SYNE2: variants seen among roughly 807,000 people sequenced by gnomAD.
The protein encoded by SYNE2 is spectrin repeat containing nuclear envelope protein 2, also known as nesprin-2.
SYNE2 carries 431 observed loss-of-function variants against 856.3 expected under a neutral mutation model. The ratio of observed to expected loss-of-function variants is 0.50; its 90% confidence interval spans 0.47 to 0.55. The LOEUF (loss-of-function observed/expected upper bound fraction) is 0.55, where lower values mean the gene tolerates loss of function less well. SYNE2 is among the 20% of genes least tolerant of loss of function. The pLI, the probability that SYNE2 is intolerant of heterozygous loss-of-function variation, is 0.00. For synonymous variants in SYNE2, 2,923 were observed against 2,872.3 expected (o/e 1.02, Z -0.56); for missense variants, 8,129 against 8,023.2 (o/e 1.01, Z -0.50).
rs77307621 is a variant in SYNE2 at position 64,069,653 on chromosome 14, T to G, written c.10432-992T>G. ...AAAGGTCCGTTCAGTGCTGTGTCTCTTTTTTAGTGGTAGAGTTGTAAGATT... is the reference window on the plus strand; with the variant it reads ...AAAGGTCCGTTCAGTGCTGTGTCTCGTTTTTAGTGGTAGAGTTGTAAGATT... On this transcript the variant is annotated intron_variant, in intron 51 of 115. Coordinates refer to ENST00000555002, the MANE Select transcript of SYNE2 (RefSeq NM_182914.3). 2.7e-3 allele frequency among the ~76,000 whole-genome samples: 407 copies of G among 152,326 alleles called. 12 individuals are homozygous for G. In the East Asian group the frequency reaches 0.054, roughly 20 times the overall value.
At chr14:64,008,912 T>C (rs1358836081) in intron 31 of SYNE2, among the ~76,000 whole-genome samples, 1 of 152,188 alleles carries the variant, frequency 6.6e-6, no homozygotes, top group Non-Finnish European at 1.5e-5. Context: ...GGTTAATCCC[T>C]GTGTGCCTCG....
intron 97 of SYNE2, among the ~76,000 whole-genome samples, chr14:64,187,864 C>T (rs908630849): frequency 6.6e-6 from 1 of 152,038 alleles, no homozygotes; most frequent in African/African-American, 2.4e-5. Flanking sequence ...AAATTTAAAC[C>T]TTTAAGGAGG....
intron 89 of SYNE2, among the ~76,000 whole-genome samples, chr14:64,164,409 C>T (rs550676287): frequency 1.3e-4 from 20 of 152,084 alleles, no homozygotes; most frequent in African/African-American, 2.4e-4. Context: ...TGTGTCTGGC[C>T]GGCTAATTTT....
At chr14:64,108,881 G>A (rs529149652) in intron 65 of SYNE2, among the ~76,000 whole-genome samples, 146 of 152,028 alleles carry the variant, frequency 9.6e-4, no homozygotes, top group African/African-American at 3.5e-3. Context: ...GAATTAATCT[G>A]GGTTTTGTTC....
upstream of SYNE2, among the ~76,000 whole-genome samples, chr14:63,848,864 A>G (rs755949023): frequency 1.3e-5 from 2 of 152,316 alleles, no homozygotes; most frequent in South Asian, 4.1e-4. Context: ...ACACAGCTCC[A>G]CTGAATCATG....
At chr14:64,178,288 T>G (rs1191255615) in intron 96 of SYNE2, among the ~76,000 whole-genome samples, 4 of 152,208 alleles carry the variant, frequency 2.6e-5, no homozygotes, top group African/African-American at 9.7e-5. Flanking sequence ...TATGACAAAC[T>G]GCCATGACAC....
Position 64,226,225 on chromosome 14 carries a change from G to C in SYNE2, c.*699G>C, listed in dbSNP as rs1319822137. On this transcript the variant is annotated 3_prime_UTR_variant, in exon 116 of 116. Transcript: ENST00000555002. Reference sequence around the variant, plus strand: ...ATTTTAGCTGGAGCTTTTGACTAATGTAAAGTAAATGCCAAACTACCGACT... The same window carrying C: ...ATTTTAGCTGGAGCTTTTGACTAATCTAAAGTAAATGCCAAACTACCGACT... The C allele has an allele frequency of 2.0e-5, 3 of 151,832 alleles. No individual in the cohort carries two copies. The highest frequency in any genetic ancestry group is 4.2e-4 in the South Asian group (2 of 4,806). The allele number at this position is 151,832 out of a possible 1,614,324, so 9.4% of individuals were successfully genotyped here. A position where few individuals can be genotyped will look rare whatever the true frequency, so the allele number is the denominator to read the frequency against.
Position 64,140,025 on chromosome 14 carries a change from T to C in SYNE2, c.14928T>C (p.Asn4976=), listed in dbSNP as rs910832569. The C allele has an allele frequency of 9.3e-6, 15 of 1,614,028 alleles. No individual in the cohort carries two copies. Among genetic ancestry groups the C allele is most frequent in the Non-Finnish European group, 1.3e-5 (15 of 1,179,958 alleles). ...ATTACTGGAAAGAACAGTCCCTCAA[T>C]GTGTCTCAGGACTTGGATACAATCA... is the stretch of plus-strand genomic sequence containing the variant. The part of the protein sequence containing the change: ...TLNYWKEQSL[N]VSQDLDTIRS... Residue 4976 remains asparagine (N), a synonymous_variant, in exon 80 of 116, where the codon AAT becomes AAC. Coordinates refer to ENST00000555002, the MANE Select transcript of SYNE2 (RefSeq NM_182914.3).
Position 64,143,823 on chromosome 14 carries a change from C to CTTA in SYNE2, c.15358_15359insTTA (p.Gln5120delinsLeuLys), listed in dbSNP as rs1275523796. 6.2e-7 allele frequency: 1 copy of CTTA among 1,614,020 alleles called. No homozygotes were observed. Among genetic ancestry groups the CTTA allele is most frequent in the Non-Finnish European group, 8.5e-7 (1 of 1,180,024 alleles). ...ACAGTGGATAGTTGACTTCGTTAAC[C>CTTA]AGTCATTACTTCAGCTAAGCACCTG... On this transcript the variant is annotated protein_altering_variant, in exon 83 of 116. Coordinates refer to ENST00000555002, the MANE Select transcript of SYNE2 (RefSeq NM_182914.3).
At chr14:63,874,098 G>C (rs1206462226) in intron 1 of SYNE2, 1 of 152,228 alleles carries the variant, frequency 6.6e-6, no homozygotes, top group African/African-American at 2.4e-5. Flanking sequence ...TTATCCTGCT[G>C]TCCTGGCTGT....
At chr14:64,182,599 G>T (rs1214050398) in intron 96 of SYNE2, among the ~76,000 whole-genome samples, 2 of 152,082 alleles carry the variant, frequency 1.3e-5, no homozygotes, top group African/African-American at 4.8e-5. Context: ...CTCTTAACGA[G>T]CATGCTGCCT....
rs773010477 is a variant in SYNE2, at chr14:63,986,436, G to A, written c.2152-20G>A. On this transcript the variant is annotated intron_variant, in intron 18 of 115. Transcript: ENST00000555002. ...ATGTACATGCTGACATTTTCTCAGT[G>A]GTACTTTTGAATGTTGTAGGCTGGA... The A allele has an allele frequency of 5.0e-6, 8 of 1,613,370 alleles. No individual in the cohort carries two copies. Among genetic ancestry groups the A allele is most frequent in the Non-Finnish European group, 6.8e-6 (8 of 1,179,566 alleles).
In SYNE2 at chr14:63,978,186, G is replaced by A. The variant is rs188188251; in HGVS notation, c.1406+169G>A. On this transcript the variant is annotated intron_variant, in intron 13 of 115. Transcript: ENST00000555002. ...TTATGTAGTAGTAACATTATAGGTA[G>A]TATGCCAACATACCTCCTTTTTTAT... Among the ~76,000 whole-genome samples, 9 of 152,312 alleles carry A rather than the reference G, an allele frequency of 5.9e-5. No homozygotes were observed. The East Asian group carries it at 1.5e-3, about 26-fold the overall frequency.
chr14:63,924,492 A>G (rs1284250443), intron 2 of SYNE2, among the ~76,000 whole-genome samples: 1 of 152,200 alleles, frequency 6.6e-6, no homozygotes, highest in Non-Finnish European at 1.5e-5. Flanking sequence ...TAGTCCATGA[A>G]TATAGGCTAT....
chr14:64,176,779 T>TTTTA (rs370375972), intron 95 of SYNE2, among the ~76,000 whole-genome samples: 8,274 of 150,338 alleles, frequency 0.055, 305 homozygotes, highest in Non-Finnish European at 0.077. Context: ...ACTTTTTTAT[T>TTTTA]TTTATTTATT....
At position 64,139,986 on chromosome 14, in the gene SYNE2, C is replaced by T; in HGVS notation, c.14889C>T (p.Ser4963=). 2 of 1,613,928 alleles carry T rather than the reference C, an allele frequency of 1.2e-6. No homozygotes were observed. Among genetic ancestry groups the T allele is most frequent in the Non-Finnish European group, 1.7e-6 (2 of 1,179,940 alleles). ...SDQLTKWLES[S]QHTLNYWKEQ... The stretch of plus-strand genomic sequence containing the variant: ...AGTTAACCAAGTGGTTGGAATCTTC[C>T]CAGCATACTCTGAATTACTGGAAAG... Residue 4963 remains serine (S), a synonymous_variant, in exon 80 of 116, where the codon TCC becomes TCT. Transcript: ENST00000555002.
At chr14:63,813,378 T>C (rs1262314492) in intron 1 of SYNE2, among the ~76,000 whole-genome samples, 1 of 152,260 alleles carries the variant, frequency 6.6e-6, no homozygotes, top group Non-Finnish European at 1.5e-5. Flanking sequence ...GGTTTTATTA[T>C]CTACTTGTAA....
At chr14:63,951,943 ATCT>A (rs1447552061) in intron 7 of SYNE2, among the ~76,000 whole-genome samples, 12 of 152,232 alleles carry the variant, frequency 7.9e-5, no homozygotes, top group African/African-American at 2.9e-4. Flanking sequence ...AATGTAGCAC[ATCT>A]TCTTAAGTAA....
Position 63,791,907 on chromosome 14 carries a change from G to A in SYNE2, c.-305+29921G>A, listed in dbSNP as rs866982897. On this transcript the variant is annotated intron_variant, in intron 1 of 23. Coordinates refer to the SYNE2 transcript ENST00000674003. The stretch of plus-strand genomic sequence containing the variant: ...TTGTAGTGAGTGAGATCGCGCCACC[G>A]CACTCCAGCCTGGGTGAAAGAGCGA... Among the ~76,000 whole-genome samples, 14 of 137,868 alleles carry A rather than the reference G, an allele frequency of 1.0e-4. No individual in the cohort carries two copies. The South Asian group carries it at 1.2e-3, about 12-fold the overall frequency. The allele number at this position is 137,868 out of a possible 152,430, so 90.4% of individuals were successfully genotyped here. A position where few individuals can be genotyped will look rare whatever the true frequency, so the allele number is the denominator to read the frequency against.
Sources: gnomAD v4.1 joint callset for allele counts (sites outside exome capture counted in the v4.1 genomes callset) on GRCh38, gnomAD v4.1.1 for gene constraint, MANE v1.5 for transcripts, NCBI Gene and HGNC (gene_info 2026-07-23, HGNC 2026-07-21) for gene names.